Variants in PRDM5 observed in about 807,000 individuals in gnomAD.
PRDM5 encodes PR domain zinc finger protein 5.
Under a neutral mutation model 81.2 loss-of-function variants are expected in PRDM5, and 56 were observed. The observed-to-expected ratio is 0.69, with a 90% CI of 0.56 to 0.86. PRDM5 has a LOEUF of 0.86. PRDM5 is among the 40% of genes least tolerant of loss of function. The probability of loss-of-function intolerance (pLI) is 0.00; values close to 1 mark genes in which losing one functional copy is unlikely to be tolerated. For missense variants in PRDM5, 697 were observed against 770.1 expected (o/e 0.91, Z 1.12); for synonymous variants, 267 against 256.4 (o/e 1.04, Z -0.39).
At chr4:120,727,231 A>G (rs1739550351) in intron 14 of PRDM5, among the ~76,000 whole-genome samples, 1 of 152,186 alleles carries the variant, frequency 6.6e-6, no homozygotes, top group Admixed American at 6.5e-5. Context: ...ACTGGAGTAC[A>G]TTCATTCACC....
intron 2 of PRDM5, among the ~76,000 whole-genome samples, chr4:120,888,116 G>A (rs936922997): frequency 2.0e-5 from 3 of 152,162 alleles, no homozygotes; most frequent in Non-Finnish European, 4.4e-5. Context: ...TTGTTGTTCT[G>A]TCTTATTATT....
chr4:120,723,059 C>A (rs1738863240), intron 14 of PRDM5, among the ~76,000 whole-genome samples: 1 of 152,200 alleles, frequency 6.6e-6, no homozygotes, highest in Admixed American at 6.5e-5. Flanking sequence ...CATCCTACTG[C>A]CTACATCTTC....
At chr4:120,789,151 T>C (rs1279433902) in intron 10 of PRDM5, among the ~76,000 whole-genome samples, 1 of 152,182 alleles carries the variant, frequency 6.6e-6, no homozygotes, top group African/African-American at 2.4e-5. Context: ...ATGTAACAAA[T>C]GAACTAGTCC....
At chr4:120,734,256 T>C (rs567728768) in intron 14 of PRDM5, among the ~76,000 whole-genome samples, 1 of 146,748 alleles carries the variant, frequency 6.8e-6, no homozygotes, top group Non-Finnish European at 1.5e-5. Flanking sequence ...TGTTTGTTTG[T>C]TTTTTTTTTA....
intron 2 of PRDM5, among the ~76,000 whole-genome samples, chr4:120,860,258 T>C (rs12505884): frequency 0.061 from 9,305 of 152,312 alleles, 448 homozygotes; most frequent in Middle Eastern, 0.17. Flanking sequence ...GCTCATATAG[T>C]GTGTCTTTTC....
intron 5 of PRDM5, 79 bp from the exon 6 acceptor site, chr4:120,817,003 C>G: frequency 8.7e-7 from 1 of 1,146,796 alleles, no homozygotes; most frequent in Non-Finnish European, 1.3e-6. Context: ...TACACTAACT[C>G]TGAATAAAGT....
At chr4:120,821,019 C>A in intron 4 of PRDM5, 152 bp downstream of exon 4, 1 of 929,110 alleles carries the variant, frequency 1.1e-6, no homozygotes, top group Non-Finnish European at 1.7e-6. Context: ...AAAGATGAGT[C>A]CACCACAGGA....
chr4:120,741,206 C>T (rs1511305), intron 14 of PRDM5, among the ~76,000 whole-genome samples: 31,944 of 152,060 alleles, frequency 0.21, 3,839 homozygotes, highest in Non-Finnish European at 0.28. Flanking sequence ...TCTCAACCAA[C>T]GCTGCATATC....
At chr4:120,701,763 A>T (rs80240587) in intron 15 of PRDM5, among the ~76,000 whole-genome samples, 6,998 of 152,200 alleles carry the variant, frequency 0.046, 299 homozygotes, top group African/African-American at 0.12. Flanking sequence ...AAACCTCAGT[A>T]TCATGCAATA....
intron 2 of PRDM5, among the ~76,000 whole-genome samples, chr4:120,855,689 T>C (rs1305110365): frequency 1.3e-5 from 2 of 152,228 alleles, no homozygotes; most frequent in East Asian, 3.8e-4. Flanking sequence ...AAACTGTTTA[T>C]ATTGACAAAA....
intron 13 of PRDM5, among the ~76,000 whole-genome samples, chr4:120,771,806 C>T (rs892098293): frequency 3.3e-5 from 5 of 152,030 alleles, no homozygotes; most frequent in Non-Finnish European, 7.4e-5. Flanking sequence ...AAAGGCTTGC[C>T]ACGGTATATT....
At position 120,804,710 on chromosome 4, in the gene PRDM5, G is replaced by A. The variant is rs369563034; in HGVS notation, c.946-4965C>T. On this transcript the variant is annotated intron_variant, in intron 8 of 15. Coordinates refer to ENST00000264808, the MANE Select transcript of PRDM5 (RefSeq NM_018699.4). ...GGACACATTTAAAGTAGTGTGTAGA[G>A]GGAAATTTATAGCATTAAATGCCCA... Among the ~76,000 whole-genome samples, 25 of 152,274 alleles carry A rather than the reference G, an allele frequency of 1.6e-4. No homozygotes were observed. The East Asian group carries it at 4.6e-3, about 28-fold the overall frequency.
intron 14 of PRDM5, among the ~76,000 whole-genome samples, chr4:120,729,221 A>C (rs1426833436): frequency 6.6e-6 from 1 of 152,222 alleles, no homozygotes; most frequent in Non-Finnish European, 1.5e-5. Flanking sequence ...AACTGCCTCC[A>C]TTAGAGTAAA....
chr4:120,712,247 A>G (rs969062990), intron 14 of PRDM5, among the ~76,000 whole-genome samples: 7 of 152,306 alleles, frequency 4.6e-5, no homozygotes, highest in South Asian at 2.1e-4. Flanking sequence ...GATGACTCCA[A>G]TGCACTCCAG....
chr4:120,859,485 A>T (rs1760314824), intron 2 of PRDM5, among the ~76,000 whole-genome samples: 1 of 152,142 alleles, frequency 6.6e-6, no homozygotes, highest in Admixed American at 6.5e-5. Flanking sequence ...TTGACCTCCC[A>T]AAGTGCTGGG....
intron 10 of PRDM5, among the ~76,000 whole-genome samples, chr4:120,789,917 T>C (rs1161651372): frequency 6.6e-6 from 1 of 152,178 alleles, no homozygotes; most frequent in Non-Finnish European, 1.5e-5. Flanking sequence ...TTCCCACTGC[T>C]TCAAAGCCAC....
At chr4:120,918,050 G>A (rs1724419920) in intron 1 of PRDM5, among the ~76,000 whole-genome samples, 1 of 152,082 alleles carries the variant, frequency 6.6e-6, no homozygotes, top group African/African-American at 2.4e-5. Flanking sequence ...TGTTGTCTCT[G>A]TCACTCGCTT....
chr4:120,764,013 T>A (rs1030535389), intron 13 of PRDM5, among the ~76,000 whole-genome samples: 9 of 149,650 alleles, frequency 6.0e-5, no homozygotes, highest in Non-Finnish European at 8.9e-5. Context: ...ACACAGAGAG[T>A]TATTCTTGGT....
chr4:120,730,272 A>C (rs192285834), intron 14 of PRDM5, among the ~76,000 whole-genome samples: 2 of 152,318 alleles, frequency 1.3e-5, no homozygotes, highest in Admixed American at 1.3e-4. Flanking sequence ...GTTGGCACAT[A>C]ATATGAACAC....
Sources: allele counts gnomAD v4.1 joint callset (sites outside exome capture counted in the v4.1 genomes callset), GRCh38; gene constraint gnomAD v4.1.1; transcripts MANE v1.5; gene names NCBI Gene and HGNC (gene_info 2026-07-23, HGNC 2026-07-21).